Variants in AP3B2 observed in about 807,000 individuals in gnomAD.
AP3B2 encodes the protein adaptor related protein complex 3 subunit beta 2, also known as AP-3 complex subunit beta-2.
Under a neutral mutation model 126.9 loss-of-function variants are expected in AP3B2, and 50 were observed. That is an observed-to-expected ratio of 0.39 (90% CI 0.31 to 0.50). The LOEUF is 0.50. Among genes scored for constraint, AP3B2 ranks in the 20% least tolerant of loss-of-function variants. The probability of loss-of-function intolerance (pLI) is 0.79; values close to 1 mark genes in which losing one functional copy is unlikely to be tolerated. For synonymous variants in AP3B2, 541 were observed against 565.0 expected, an observed-to-expected ratio of 0.96 and a Z score of 0.60; for missense variants, 1,177 against 1,426.4, an observed-to-expected ratio of 0.83 and a Z score of 2.82.
At chr15:82,691,139 T>C (rs1174867648) in intron 1 of AP3B2, among the ~76,000 whole-genome samples, 1 of 152,222 alleles carries the variant, frequency 6.6e-6, no homozygotes, top group African/African-American at 2.4e-5. Flanking sequence ...ACGGGATCAC[T>C]GGGTCAAATG....
intron 14 of AP3B2, among the ~76,000 whole-genome samples, chr15:82,673,262 T>G (rs1169244270): frequency 6.6e-6 from 1 of 152,244 alleles, no homozygotes; most frequent in Non-Finnish European, 1.5e-5. Flanking sequence ...TGGCCCAGGC[T>G]GGAGTGTGGT....
Position 82,659,323 on chromosome 15 carries a change from C to T in AP3B2, c.*237G>A, listed in dbSNP as rs1383727315. ...ATTGAGCCTGCTACATAAATAGCTA[C>T]AGAAATCTGGGAGGACTGAAGGGAG... On this transcript the variant is annotated 3_prime_UTR_variant, in exon 27 of 27. Transcript: ENST00000535359. The T allele has an allele frequency of 8.2e-6, 4 of 485,840 alleles. No individual in the cohort carries two copies. Among genetic ancestry groups the T allele is most frequent in the African/African-American group, 1.9e-5 (1 of 52,074 alleles). 30.1% of individuals were successfully genotyped at this position (485,840 alleles called of 1,614,324 possible).
Position 82,681,392 on chromosome 15 carries a change from G to C in AP3B2, c.521+28C>G, listed in dbSNP as rs780398441. Reference sequence around the variant, plus strand: ...TGAGAACTTAGGAACCAGCCTCCTGGGGAGCGTGGGACAGGGCTGGGGCAT... The same window carrying C: ...TGAGAACTTAGGAACCAGCCTCCTGCGGAGCGTGGGACAGGGCTGGGGCAT... On this transcript the variant is annotated intron_variant, in intron 5 of 26. Coordinates refer to ENST00000535359, the MANE Select transcript of AP3B2 (RefSeq NM_001278512.2). This position sits in a 1 kb window ranked among gnomAD's most constrained non-coding sequence, Gnocchi z 4.0. 6.2e-7 allele frequency: 1 copy of C among 1,611,200 alleles called. No individual in the cohort carries two copies. Among genetic ancestry groups the C allele is most frequent in the Non-Finnish European group, 8.5e-7 (1 of 1,178,380 alleles).
rs766260323 is a variant in AP3B2, at chr15:82,677,676, C to T, written c.1373G>A (p.Arg458His). Residue 458 changes from arginine (R) to histidine (H), a missense_variant, in exon 12 of 27, where the codon CGT becomes CAT. Transcript: ENST00000535359. Reference protein sequence around the residue: ...LNGLVQLLSNRDELVVAESVV... With the variant: ...LNGLVQLLSNHDELVVAESVV... ...ACACTCAGGGAAACACTGACCATCA[C>T]GGTTGGACAGCAGCTGCACCAGGCC... 35 of 1,551,018 alleles carry T rather than the reference C, an allele frequency of 2.3e-5. No homozygotes were observed. In the South Asian group the frequency reaches 2.6e-4, roughly 11 times the overall value.
intron 1 of AP3B2, among the ~76,000 whole-genome samples, chr15:82,696,842 G>GA (rs1178308319): frequency 6.6e-5 from 10 of 152,084 alleles, no homozygotes; most frequent in Non-Finnish European, 2.9e-5. Context: ...ATAAACCCAT[G>GA]AAAAAAATGT....
intron 1 of AP3B2, chr15:82,699,975 GCAGGGAGGGA>G (rs1567275468): frequency 2.5e-6 from 1 of 398,424 alleles, no homozygotes; most frequent in Non-Finnish European, 4.4e-6. Flanking sequence ...CCGGACACTG[GCAGGGAGGGA>G]TGCTCCGGTT....
chr15:82,662,570 A>G lies in AP3B2; in HGVS notation c.2833+124T>C, dbSNP rs573667507. 981 of 893,918 alleles carry G rather than the reference A, an allele frequency of 1.1e-3. 1 individual carries two copies. The highest frequency in any genetic ancestry group is 1.4e-3 in the Middle Eastern group (6 of 4,266). The allele number at this position is 893,918 out of a possible 1,614,324, so 55.4% of individuals were successfully genotyped here. A position where few individuals can be genotyped will look rare whatever the true frequency, so the allele number is the denominator to read the frequency against. On this transcript the variant is annotated intron_variant, in intron 23 of 26. Transcript: ENST00000535359. ...TGTCCACCAGAGTGTTGATCATGTT[A>G]GATGCTATCTCTGTGCCCCTATAGC...
Position 82,666,952 on chromosome 15 carries a change from G to A in AP3B2, c.1666-19C>T, listed in dbSNP as rs370046999. 6.2e-7 allele frequency: 1 copy of A among 1,600,416 alleles called. No homozygotes were observed. Among genetic ancestry groups the A allele is most frequent in the Non-Finnish European group, 8.5e-7 (1 of 1,169,712 alleles). On this transcript the variant is annotated intron_variant, in intron 14 of 26. Transcript: ENST00000535359. ...GCTTGGTCTGGAGGAACAGGAAGAG[G>A]TGGGTCAGCTGACGGGGGGATGGGG...
In AP3B2 at chr15:82,662,789, T is replaced by A. The variant is rs371121399; in HGVS notation, c.2738A>T (p.His913Leu). The change falls in exon 23 of 27, where the codon CAC (histidine) becomes CTC (leucine). Residue 913 changes from histidine to leucine, a missense_variant. Physicochemically the swap from His to Leu is moderately conservative, Grantham distance 99. This residue lies in a region of AP3B2 where 587 missense variants were observed against 571.3 expected (regional missense o/e 1.03). Coordinates refer to ENST00000535359, the MANE Select transcript of AP3B2 (RefSeq NM_001278512.2). The part of the protein sequence containing the change: ...GDPHMVSVHI[H>L]FSNSSDTPIK... Reference sequence around the variant, plus strand: ...GGGGGTATCAGAGCTGTTGGAGAAGTGGATGTGCACGGACACCATGTGGGG... The same window carrying A: ...GGGGGTATCAGAGCTGTTGGAGAAGAGGATGTGCACGGACACCATGTGGGG... The A allele has an allele frequency of 1.9e-4, 305 of 1,613,656 alleles. 1 individual carries two copies. Among genetic ancestry groups the A allele is most frequent in the Non-Finnish European group, 2.5e-4 (297 of 1,179,812 alleles).
rs1195185443 is a variant in AP3B2 at position 82,665,965 on chromosome 15, TGGA to T, written c.1853-393_1853-391del. ...GTCTGGATCAGAGTTGAGGCACTGC[TGGA>T]GGAGGGCAGCACAGGCCTGTGAGTG... On this transcript the variant is annotated intron_variant, in intron 15 of 26. Transcript: ENST00000535359. The surrounding 1 kb of genome is among the most constrained non-coding windows in gnomAD (Gnocchi z 4.4). Among the ~76,000 whole-genome samples the T allele has an allele frequency of 6.6e-6, 1 of 152,104 alleles. No individual in the cohort carries two copies.
chr15:82,666,517 A>G (rs1046738021), intron 15 of AP3B2, among the ~76,000 whole-genome samples: 2 of 152,188 alleles, frequency 1.3e-5, no homozygotes, highest in Non-Finnish European at 2.9e-5. Flanking sequence ...GCACAAGTCC[A>G]TCCTGGCCAG....
chr15:82,665,016 C>G lies in AP3B2; in HGVS notation c.2029-73G>C, dbSNP rs1372820191. 3 of 1,247,094 alleles carry G rather than the reference C, an allele frequency of 2.4e-6. No individual in the cohort carries two copies. The highest frequency in any genetic ancestry group is 3.4e-6 in the Non-Finnish European group (3 of 870,638). The allele number at this position is 1,247,094 out of a possible 1,614,324, so 77.3% of individuals were successfully genotyped here. A position where few individuals can be genotyped will look rare whatever the true frequency, so the allele number is the denominator to read the frequency against. ...AAGGCAGGCAGGCACAAGCCCTTAC[C>G]CTTTATTCCACCTCTTTGTGAGGCC... On this transcript the variant is annotated intron_variant, in intron 17 of 26. Transcript: ENST00000535359. The surrounding 1 kb of genome is among the most constrained non-coding windows in gnomAD (Gnocchi z 4.4).
In AP3B2 at chr15:82,688,963, C is replaced by T; in HGVS notation, c.265-132G>A. ...AAACTCTCCCAGTGGGGGAGAGCAC[C>T]CCTGAGTGTATCCGGGTCCTTTACC... On this transcript the variant is annotated intron_variant, in intron 3 of 26. Transcript: ENST00000535359. 3.0e-6 allele frequency: 3 copies of T among 1,001,710 alleles called. No homozygotes were observed. The East Asian group carries it at 7.8e-5, about 26-fold the overall frequency. The allele number at this position is 1,001,710 out of a possible 1,614,324, so 62.1% of individuals were successfully genotyped here.
chr15:82,680,487 A>G lies in AP3B2; in HGVS notation c.1040T>C (p.Leu347Pro). 2 of 1,510,580 alleles carry G rather than the reference A, an allele frequency of 1.3e-6. No individual in the cohort carries two copies. Among genetic ancestry groups the G allele is most frequent in the Non-Finnish European group, 8.8e-7 (1 of 1,132,536 alleles). The allele number at this position is 1,510,580 out of a possible 1,614,324, so 93.6% of individuals were successfully genotyped here. A position where few individuals can be genotyped will look rare whatever the true frequency, so the allele number is the denominator to read the frequency against. Residue 347 changes from leucine to proline, a missense_variant, in exon 8 of 27, where the codon CTG becomes CCG. Physicochemically the swap from Leu to Pro is moderately conservative, Grantham distance 98. Transcript: ENST00000535359. This position sits in a 1 kb window ranked among gnomAD's most constrained non-coding sequence, Gnocchi z 6.1. ...VGVIAKALVR[L>P]LRSHSEVQYV... ...CGGAGCGCACCTGTGGCTGCGCAGC[A>G]GGCGCACCAGCGCCTTGGCGATGAC...
intron 1 of AP3B2, among the ~76,000 whole-genome samples, chr15:82,706,523 G>T: frequency 6.6e-6 from 1 of 152,134 alleles, no homozygotes; most frequent in Non-Finnish European, 1.5e-5. Context: ...CCATCGCTCA[G>T]GGCAACACTT....
At chr15:82,688,955 G>A in intron 3 of AP3B2, 124 bp from the exon 4 acceptor site, 1 of 1,043,430 alleles carries the variant, frequency 9.6e-7, no homozygotes, top group Non-Finnish European at 1.4e-6. Context: ...CCCAGTGGGG[G>A]AGAGCACCCC....
chr15:82,659,644 T>A lies in AP3B2; in HGVS notation c.3222A>T (p.Gly1074=). 6.2e-7 allele frequency: 1 copy of A among 1,613,914 alleles called. No individual in the cohort carries two copies. Among genetic ancestry groups the A allele is most frequent in the Non-Finnish European group, 8.5e-7 (1 of 1,179,868 alleles). ...VLLTLDARPA[G]AAQLTVNSEK... ...CGCTGTTGACAGTCAGCTGGGCAGC[T>A]CCAGCTGGCCGGGCATCCAGGGTCA... The change falls in exon 27 of 27, where the codon GGA becomes GGT. Residue 1074 remains glycine (G), a synonymous_variant. Coordinates refer to ENST00000535359, the MANE Select transcript of AP3B2 (RefSeq NM_001278512.2).
intron 1 of AP3B2, among the ~76,000 whole-genome samples, chr15:82,702,220 G>C (rs561159651): frequency 5.3e-4 from 80 of 151,924 alleles, no homozygotes; most frequent in Non-Finnish European, 1.0e-3. Flanking sequence ...TACCTAATAG[G>C]GTAATATGTC....
rs1394573840 is a variant in AP3B2 at position 82,659,295 on chromosome 15, T to C, written c.*265A>G. 4 of 403,386 alleles carry C rather than the reference T, an allele frequency of 9.9e-6. No homozygotes were observed. The highest frequency in any genetic ancestry group is 6.0e-5 in the African/African-American group (3 of 49,852). The allele number at this position is 403,386 out of a possible 1,614,324, so 25.0% of individuals were successfully genotyped here. A position where few individuals can be genotyped will look rare whatever the true frequency, so the allele number is the denominator to read the frequency against. ...GAGCCAGCAGCTAGAGAGAAGACAT[T>C]TTATTGAGCCTGCTACATAAATAGC... On this transcript the variant is annotated 3_prime_UTR_variant, in exon 27 of 27. Coordinates refer to ENST00000535359, the MANE Select transcript of AP3B2 (RefSeq NM_001278512.2).
Sources: allele counts gnomAD v4.1 joint callset (sites outside exome capture counted in the v4.1 genomes callset), GRCh38; gene constraint gnomAD v4.1.1; regional missense constraint gnomAD v4.1.1; non-coding constraint Gnocchi (gnomAD v3.1); transcripts MANE v1.5; gene names NCBI Gene and HGNC (gene_info 2026-07-23, HGNC 2026-07-21).